The following KCNIP4 variants were observed in gnomAD, a reference collection of about 807,000 sequenced individuals.
KCNIP4 encodes the protein potassium voltage-gated channel interacting protein 4, also known as Kv channel-interacting protein 4.
KCNIP4 carries 12 observed loss-of-function variants against 34.0 expected under a neutral mutation model. The observed-to-expected ratio is 0.35, with a 90% CI of 0.23 to 0.57. The LOEUF (loss-of-function observed/expected upper bound fraction) is 0.57, where lower values mean the gene tolerates loss of function less well. Ranked by LOEUF, KCNIP4 falls within the 20% of genes least tolerant of loss-of-function variation. KCNIP4 has a pLI of 0.83. For synonymous variants in KCNIP4, 124 were observed against 102.2 expected (o/e 1.21, Z -1.29); for missense variants, 238 against 311.7 (o/e 0.76, Z 1.78).
At chr4:21,307,611 A>C (rs981715172) in intron 1 of KCNIP4, among the ~76,000 whole-genome samples, 5 of 152,222 alleles carry the variant, frequency 3.3e-5, no homozygotes, top group African/African-American at 1.2e-4. Flanking sequence ...TGCCTGGTGA[A>C]TAAGAGGGAG....
intron 2 of KCNIP4, among the ~76,000 whole-genome samples, chr4:20,877,531 A>G (rs1350212610): frequency 6.6e-6 from 1 of 152,014 alleles, no homozygotes; most frequent in African/African-American, 2.4e-5. Context: ...TGAGCAAATA[A>G]TCTCCCTTGT....
At chr4:21,040,516 A>G (rs1741863898) in intron 1 of KCNIP4, among the ~76,000 whole-genome samples, 1 of 152,340 alleles carries the variant, frequency 6.6e-6, no homozygotes, top group South Asian at 2.1e-4. Context: ...TTAGAAGTCA[A>G]GTTTACTATC....
chr4:20,864,059 C>CGT (rs1722520185), intron 2 of KCNIP4, among the ~76,000 whole-genome samples: 2 of 127,818 alleles, frequency 1.6e-5, no homozygotes, highest in African/African-American at 6.5e-5. Flanking sequence ...TATGTATACA[C>CGT]ATGTATGTAT....
At chr4:20,920,563 G>A (rs1214732900) in intron 1 of KCNIP4, among the ~76,000 whole-genome samples, 1 of 152,170 alleles carries the variant, frequency 6.6e-6, no homozygotes, top group Non-Finnish European at 1.5e-5. Flanking sequence ...ACAGTGGGGA[G>A]AGGCAGGGTT....
chr4:21,750,074 T>G (rs1253132087), intron 1 of KCNIP4, among the ~76,000 whole-genome samples: 2 of 152,086 alleles, frequency 1.3e-5, no homozygotes, highest in Non-Finnish European at 2.9e-5. Context: ...AATGATGAAA[T>G]CTTGTGCCCA....
chr4:21,268,770 G>T lies in KCNIP4; in HGVS notation c.62-386061C>A, dbSNP rs562686758. 1.9e-3 allele frequency among the ~76,000 whole-genome samples: 295 copies of T among 152,170 alleles called. 11 individuals carry two copies. The highest frequency in any genetic ancestry group is 6.5e-4 in the Non-Finnish European group (44 of 68,030). Reference sequence around the variant, plus strand: ...TAAGGGTTTTGATAGAGATGGTATTGGGTGCTATGGGAAGACACCCAAGAC... The same window carrying T: ...TAAGGGTTTTGATAGAGATGGTATTTGGTGCTATGGGAAGACACCCAAGAC... On this transcript the variant is annotated intron_variant, in intron 1 of 8. Coordinates refer to ENST00000382152, the MANE Select transcript of KCNIP4 (RefSeq NM_025221.6).
intron 1 of KCNIP4, among the ~76,000 whole-genome samples, chr4:21,934,267 C>T (rs1340199483): frequency 6.6e-6 from 1 of 152,044 alleles, no homozygotes; most frequent in Non-Finnish European, 1.5e-5. Context: ...GCCCCAGACT[C>T]TTATCAGGCA....
intron 1 of KCNIP4, among the ~76,000 whole-genome samples, chr4:20,913,043 C>G (rs1728472783): frequency 6.6e-6 from 1 of 152,064 alleles, no homozygotes; most frequent in African/African-American, 2.4e-5. Flanking sequence ...TCCTGAAGAA[C>G]AGTGAAAATA....
intron 1 of KCNIP4, among the ~76,000 whole-genome samples, chr4:21,710,798 TA>T (rs1295799511): frequency 6.6e-6 from 1 of 152,194 alleles, no homozygotes; most frequent in Non-Finnish European, 1.5e-5. Context: ...AAAAAAAATC[TA>T]GAGATAGAAT....
intron 1 of KCNIP4, among the ~76,000 whole-genome samples, chr4:21,657,222 C>CT (rs1012198959): frequency 6.6e-5 from 10 of 152,098 alleles, no homozygotes; most frequent in African/African-American, 2.4e-4. Flanking sequence ...TTTTATCAGT[C>CT]TTTTTTTACT....
chr4:21,229,998 A>C (rs1364230510), intron 1 of KCNIP4, among the ~76,000 whole-genome samples: 1 of 152,192 alleles, frequency 6.6e-6, no homozygotes, highest in Non-Finnish European at 1.5e-5. Flanking sequence ...GTCAGAATGT[A>C]ATCTTATTTG....
rs984663035 is a variant in KCNIP4 at position 21,170,182 on chromosome 4, G to A, written c.62-287473C>T. Among the ~76,000 whole-genome samples, 12 of 152,086 alleles carry A rather than the reference G, an allele frequency of 7.9e-5. 1 individual carries two copies. In the South Asian group the frequency reaches 1.9e-3, roughly 24 times the overall value. ...ACTAGATAGTAGATTCCCCATTCACGGAGTTCTATGTGGAAATACTCAAAA... is the reference window on the plus strand; with the variant it reads ...ACTAGATAGTAGATTCCCCATTCACAGAGTTCTATGTGGAAATACTCAAAA... On this transcript the variant is annotated intron_variant, in intron 1 of 8. Transcript: ENST00000382152.
chr4:21,353,259 C>A (rs111310675), intron 1 of KCNIP4, among the ~76,000 whole-genome samples: 2 of 152,040 alleles, frequency 1.3e-5, no homozygotes, highest in Non-Finnish European at 2.9e-5. Flanking sequence ...ATCGCAGCTC[C>A]TCACCTGTAA....
At chr4:20,849,173 G>T (rs1032762216) in intron 3 of KCNIP4, among the ~76,000 whole-genome samples, 1 of 152,160 alleles carries the variant, frequency 6.6e-6, no homozygotes, top group Non-Finnish European at 1.5e-5. Context: ...AGTGGTCTGT[G>T]TGTGTGGTGA....
intron 2 of KCNIP4, among the ~76,000 whole-genome samples, chr4:20,861,979 A>G (rs1722248423): frequency 6.9e-6 from 1 of 145,786 alleles, no homozygotes; most frequent in Non-Finnish European, 1.5e-5. Flanking sequence ...AGTTATTATT[A>G]TTATTATTAT....
At chr4:21,002,162 G>C (rs1289334449) in intron 1 of KCNIP4, among the ~76,000 whole-genome samples, 2 of 152,114 alleles carry the variant, frequency 1.3e-5, no homozygotes, top group African/African-American at 4.8e-5. Flanking sequence ...ATAGCATTTA[G>C]CCTTGCTTTA....
intron 1 of KCNIP4, among the ~76,000 whole-genome samples, chr4:21,331,222 T>C (rs1213216103): frequency 6.6e-6 from 1 of 152,170 alleles, no homozygotes; most frequent in Non-Finnish European, 1.5e-5. Flanking sequence ...ATAGTTTCTA[T>C]TGAGCAGCTT....
intron 1 of KCNIP4, chr4:21,697,745 C>A (rs953865894): frequency 1.8e-5 from 18 of 1,026,334 alleles, no homozygotes; most frequent in Non-Finnish European, 2.2e-5. Context: ...AGCTCTGGTT[C>A]GGCTCGGCAT....
At chr4:20,761,073 T>C (rs1002174742) in intron 3 of KCNIP4, among the ~76,000 whole-genome samples, 4 of 152,182 alleles carry the variant, frequency 2.6e-5, no homozygotes, top group Non-Finnish European at 5.9e-5. Context: ...GGGGGCCTCA[T>C]TGAATCAGTT....
Sources: allele counts gnomAD v4.1 joint callset (sites outside exome capture counted in the v4.1 genomes callset), GRCh38; gene constraint gnomAD v4.1.1; transcripts MANE v1.5; gene names NCBI Gene and HGNC (gene_info 2026-07-23, HGNC 2026-07-21).